Variants in CELF2 observed in about 807,000 individuals in gnomAD.
The protein encoded by CELF2 is CUG triplet repeat RNA-binding protein 2.
CELF2 carries 8 observed loss-of-function variants against 62.6 expected under a neutral mutation model. The observed-to-expected ratio is 0.13, with a 90% confidence interval of 0.07 to 0.23. The LOEUF is 0.23. Among genes scored for constraint, CELF2 ranks in the 10% least tolerant of loss-of-function variants. The pLI is 1.00. For synonymous variants in CELF2, 258 were observed against 250.0 expected (o/e 1.03, Z -0.30); for missense variants, 333 against 671.0 (o/e 0.50, Z 5.56).
the CELF2 span, among the ~76,000 whole-genome samples, chr10:10,658,018 A>G: frequency 6.6e-6 from 1 of 152,210 alleles, no homozygotes; most frequent in Non-Finnish European, 1.5e-5. Context: ...TGCAAACTTA[A>G]CATGCCACTA....
At chr10:10,761,587 G>C in the CELF2 span, among the ~76,000 whole-genome samples, 28 of 152,086 alleles carry the variant, frequency 1.8e-4, no homozygotes, top group African/African-American at 6.5e-4. Flanking sequence ...AATGTGGGTG[G>C]GCCTCATCCA....
chr10:11,329,648 C>CAAAGAAACATGACATTT lies in CELF2; in HGVS notation c.*597_*613dup, dbSNP rs1309196108. ...CTAAGTAGGATTTTATTTTAGGGTT[C>CAAAGAAACATGACATTT]AAAGAAACATGACATTTATTGGTCA... On this transcript the variant is annotated 3_prime_UTR_variant, in exon 13 of 13. Transcript: ENST00000633077. The surrounding 1 kb of genome is among the most constrained non-coding windows in gnomAD (Gnocchi z 5.5). 6.6e-6 allele frequency: 1 copy of CAAAGAAACATGACATTT among 152,530 alleles called. No homozygotes were observed. The highest frequency in any genetic ancestry group is 1.5e-5 in the Non-Finnish European group (1 of 68,006). The allele number at this position is 152,530 out of a possible 1,614,324, so 9.4% of individuals were successfully genotyped here. A position where few individuals can be genotyped will look rare whatever the true frequency, so the allele number is the denominator to read the frequency against.
At chr10:11,059,291 C>T (rs2066137424) in intron 1 of CELF2, among the ~76,000 whole-genome samples, 1 of 152,114 alleles carries the variant, frequency 6.6e-6, no homozygotes. Flanking sequence ...ACTAGACTTG[C>T]ATGTCTGTTT....
Position 11,275,041 on chromosome 10 carries a change from G to A in CELF2, c.778-16G>A, listed in dbSNP as rs2085490144. ...CTCTCACCGTCTCCACTTTGCCCTT[G>A]TGTGTTCATCCGCAGCTCCTGCAGC... On this transcript the variant is annotated splice_polypyrimidine_tract_variant and intron_variant, in intron 7 of 12. Coordinates refer to ENST00000633077, the MANE Select transcript of CELF2 (RefSeq NM_001326342.2). The A allele has an allele frequency of 5.0e-6, 8 of 1,613,742 alleles. No homozygotes were observed. Among genetic ancestry groups the A allele is most frequent in the Middle Eastern group, 1.6e-4 (1 of 6,084 alleles).
chr10:10,650,733 T>C, the CELF2 span, among the ~76,000 whole-genome samples: 1 of 152,148 alleles, frequency 6.6e-6, no homozygotes, highest in African/African-American at 2.4e-5. Context: ...TTACTAAAAA[T>C]AGTAAAATGA....
intron 2 of CELF2, among the ~76,000 whole-genome samples, chr10:10,987,693 T>G (rs1268595633): frequency 6.6e-6 from 1 of 151,424 alleles, no homozygotes; most frequent in Non-Finnish European, 1.5e-5. Context: ...AGTAGATCAA[T>G]AAGAAAAAAA....
the CELF2 span, among the ~76,000 whole-genome samples, chr10:10,596,284 A>G: frequency 1.3e-5 from 2 of 151,920 alleles, no homozygotes; most frequent in Admixed American, 1.3e-4. Flanking sequence ...GCATAGCAAT[A>G]CCACATTCAA....
At chr10:10,868,639 A>G (rs1186003648) in intron 1 of CELF2, among the ~76,000 whole-genome samples, 1 of 152,212 alleles carries the variant, frequency 6.6e-6, no homozygotes, top group African/African-American at 2.4e-5. Flanking sequence ...GGGGTCTACC[A>G]TCTGCCACTG....
chr10:10,859,891 T>C (rs1345667232), intron 1 of CELF2, among the ~76,000 whole-genome samples: 1 of 152,192 alleles, frequency 6.6e-6, no homozygotes, highest in Non-Finnish European at 1.5e-5. Flanking sequence ...AGTTCTCAAA[T>C]GTTTTGGTGT....
At chr10:11,313,590 A>G (rs1397284699) in intron 9 of CELF2, among the ~76,000 whole-genome samples, 2 of 152,240 alleles carry the variant, frequency 1.3e-5, no homozygotes, top group African/African-American at 4.8e-5. Context: ...AAGAAATACA[A>G]AGTCCAGAAC....
intron 1 of CELF2, among the ~76,000 whole-genome samples, chr10:10,913,885 A>AGGAAGGAAG (rs141260316): frequency 2.5e-4 from 7 of 27,936 alleles, no homozygotes; most frequent in East Asian, 8.0e-4. Flanking sequence ...GAAGGAAGGA[A>AGGAAGGAAG]GAAGGAAGGG....
At chr10:10,658,537 C>A in the CELF2 span, among the ~76,000 whole-genome samples, 175 of 152,300 alleles carry the variant, frequency 1.1e-3, 1 homozygote, top group East Asian at 2.1e-3. Context: ...CAACCTCCTG[C>A]ATCCCTCTTC....
chr10:11,099,301 A>T (rs1291823), intron 1 of CELF2, among the ~76,000 whole-genome samples: 98,925 of 152,168 alleles, frequency 0.65, 34,390 homozygotes, highest in African/African-American at 0.89. Flanking sequence ...TACATCTGAG[A>T]AGCAGAGAGC....
chr10:10,983,972 C>T lies in CELF2; in HGVS notation c.89+63973C>T, dbSNP rs1438765612. On this transcript the variant is annotated intron_variant, in intron 2 of 13. Transcript: ENST00000636488. The surrounding 1 kb of genome is among the most constrained non-coding windows in gnomAD (Gnocchi z 5.2). ...AGTCAACTACTGAACTATTAAGTTG[C>T]GAATGGAAGACTTATAACCACACAT... Among the ~76,000 whole-genome samples the T allele has an allele frequency of 6.6e-6, 1 of 152,126 alleles. No individual in the cohort carries two copies. The highest frequency in any genetic ancestry group is 1.5e-5 in the Non-Finnish European group (1 of 68,028).
In CELF2 at chr10:11,125,150, C is replaced by T. The variant is rs77304782; in HGVS notation, c.75-40336C>T. Among the ~76,000 whole-genome samples the T allele has an allele frequency of 1.9e-3, 287 of 152,244 alleles. 1 individual carries two copies. The highest frequency in any genetic ancestry group is 6.6e-3 in the African/African-American group (273 of 41,542). On this transcript the variant is annotated intron_variant, in intron 1 of 12. Coordinates refer to ENST00000633077, the MANE Select transcript of CELF2 (RefSeq NM_001326342.2). ...GACCCAGTCAGTGGTTAGAAATGGC[C>T]AAGAACTTACACAGATGTAGTGTGA...
chr10:11,234,679 CAAAAA>C (rs11387214), intron 3 of CELF2, among the ~76,000 whole-genome samples: 2 of 83,282 alleles, frequency 2.4e-5, no homozygotes, highest in African/African-American at 9.4e-5. Context: ...GACTCCATCT[CAAAAA>C]AAAAAAAAAA....
intron 2 of CELF2, among the ~76,000 whole-genome samples, chr10:11,210,371 A>G (rs929923817): frequency 1.3e-5 from 2 of 152,286 alleles, no homozygotes; most frequent in South Asian, 4.1e-4. Context: ...GGCAGAGTCC[A>G]CTTAGGGAGG....
chr10:10,944,958 G>A (rs969336669), intron 2 of CELF2, among the ~76,000 whole-genome samples: 1 of 152,158 alleles, frequency 6.6e-6, no homozygotes, highest in Non-Finnish European at 1.5e-5. Flanking sequence ...GAAGGCATCA[G>A]GAGAGGGGAG....
At chr10:11,188,521 T>C (rs2075561964) in intron 2 of CELF2, among the ~76,000 whole-genome samples, 2 of 152,330 alleles carry the variant, frequency 1.3e-5, no homozygotes, top group South Asian at 4.1e-4. Flanking sequence ...GATGTCATCC[T>C]TCTCCTTCTG....
Sources: gnomAD v4.1 joint callset for allele counts (sites outside exome capture counted in the v4.1 genomes callset) on GRCh38, gnomAD v4.1.1 for gene constraint, Gnocchi (gnomAD v3.1) non-coding constraint, MANE v1.5 for transcripts, NCBI Gene and HGNC (gene_info 2026-07-23, HGNC 2026-07-21) for gene names.